The following ADGRV1 variants were observed in gnomAD, a reference collection of about 807,000 sequenced individuals.
The protein encoded by ADGRV1 is adhesion G protein-coupled receptor V1.
A neutral mutation model predicts 596.2 loss-of-function variants in ADGRV1; 359 were observed. That is an observed-to-expected ratio of 0.60 (90% CI 0.55 to 0.66). The LOEUF is 0.66. ADGRV1 is among the 30% of genes least tolerant of loss of function. ADGRV1 has a pLI of 0.00. For missense variants in ADGRV1, 7,274 were observed against 7,575.6 expected, an observed-to-expected ratio of 0.96 and a Z score of 1.48; for synonymous variants, 2,681 against 2,679.2, an observed-to-expected ratio of 1.00 and a Z score of -0.02.
chr5:91,128,361 G>A (rs1278421380), intron 87 of ADGRV1, among the ~76,000 whole-genome samples: 1 of 151,942 alleles, frequency 6.6e-6, no homozygotes. Context: ...CTAAAAATGG[G>A]TTTATTGAGA....
intron 29 of ADGRV1, among the ~76,000 whole-genome samples, chr5:90,687,635 T>C (rs958190386): frequency 2.0e-5 from 3 of 152,174 alleles, no homozygotes; most frequent in African/African-American, 4.8e-5. Flanking sequence ...GACATGATTG[T>C]ATATCTAGAA....
intron 83 of ADGRV1, among the ~76,000 whole-genome samples, chr5:90,955,793 A>T (rs1211214218): frequency 2.6e-5 from 4 of 152,194 alleles, no homozygotes; most frequent in African/African-American, 7.2e-5. Flanking sequence ...ATATACGTGT[A>T]TGTAGCAGGG....
chr5:90,684,798 A>G (rs528720094), intron 28 of ADGRV1, among the ~76,000 whole-genome samples: 1 of 152,300 alleles, frequency 6.6e-6, no homozygotes, highest in African/African-American at 2.4e-5. Context: ...AGGCAGGAGA[A>G]CACAAACCTT....
intron 83 of ADGRV1, among the ~76,000 whole-genome samples, chr5:90,958,284 A>T (rs1455113584): frequency 3.3e-5 from 1 of 30,458 alleles, no homozygotes. Flanking sequence ...ACCTTGTCTC[A>T]AAAAAAAAAA....
intron 84 of ADGRV1, among the ~76,000 whole-genome samples, chr5:90,968,489 A>T (rs1186404380): frequency 1.3e-5 from 2 of 152,200 alleles, no homozygotes; most frequent in Non-Finnish European, 2.9e-5. Flanking sequence ...TAGATTCTGG[A>T]TGGCTAATGG....
chr5:90,778,404 G>A, intron 62 of ADGRV1, 23 bp from the exon 63 acceptor site: 1 of 1,604,494 alleles, frequency 6.2e-7, no homozygotes, highest in Non-Finnish European at 8.5e-7. Context: ...TTCTACTGTT[G>A]ATGACTCTTT....
intron 78 of ADGRV1, among the ~76,000 whole-genome samples, chr5:90,843,438 T>TC (rs1554134092): frequency 1.2e-4 from 1 of 8,096 alleles, no homozygotes. Flanking sequence ...CAAATAGTGT[T>TC]GGATGGCTGA....
intron 14 of ADGRV1, 59 bp from the exon 15 acceptor site, chr5:90,644,647 T>G: frequency 7.6e-7 from 1 of 1,319,006 alleles, no homozygotes; most frequent in Non-Finnish European, 1.1e-6. Context: ...ATTTCTTTAC[T>G]CATCATTTTA....
chr5:90,795,215 C>T (rs1760559673), intron 70 of ADGRV1, among the ~76,000 whole-genome samples: 1 of 151,888 alleles, frequency 6.6e-6, no homozygotes, highest in Non-Finnish European at 1.5e-5. Flanking sequence ...GCAGGTCCCA[C>T]CCCCAAGGAG....
At position 90,805,376 on chromosome 5, in the gene ADGRV1, C is replaced by G. The variant is rs780535961; in HGVS notation, c.14754C>G (p.Leu4918=). The G allele has an allele frequency of 2.5e-6, 4 of 1,611,514 alleles. No homozygotes were observed. Among genetic ancestry groups the G allele is most frequent in the African/African-American group, 1.3e-5 (1 of 74,920 alleles). ...CTAGGAGAGGCACATATGGAGCTCT[C>G]TCGGTTGCCTGGACCACTGGATATG... ...MISRRGTYGA[L]SVAWTTGYAP... Residue 4918 remains leucine, a synonymous_variant, in exon 72 of 90, where the codon CTC becomes CTG. Transcript: ENST00000405460.
rs373822878 is a variant in ADGRV1 at position 90,791,133 on chromosome 5, G to A, written c.14304G>A (p.Ser4768=). Residue 4768 remains serine (S), a synonymous_variant, in exon 70 of 90, where the codon TCG becomes TCA. Transcript: ENST00000405460. ...CACATGGAGTATTTGCCCTGTATTC[G>A]GATCGCCAGTCAATACTTATTGGGC... ...DDPHGVFALY[S]DRQSILIGQN... is the part of the protein sequence containing the mutation. The A allele has an allele frequency of 1.3e-5, 21 of 1,613,730 alleles. No homozygotes were observed. The highest frequency in any genetic ancestry group is 5.0e-5 in the Admixed American group (3 of 59,972).
At chr5:90,780,390 G>T (rs576517027) in intron 64 of ADGRV1, among the ~76,000 whole-genome samples, 2 of 151,598 alleles carry the variant, frequency 1.3e-5, no homozygotes, top group Non-Finnish European at 2.9e-5. Flanking sequence ...TATATAATTC[G>T]CCAACTTTCA....
chr5:91,060,398 A>ATAT (rs796332430), intron 85 of ADGRV1, among the ~76,000 whole-genome samples: 153 of 60,518 alleles, frequency 2.5e-3, no homozygotes, highest in South Asian at 0.012. Context: ...ATATATATAT[A>ATAT]TTTTTTTTTT....
chr5:90,744,551 G>A (rs1235470380), intron 50 of ADGRV1, among the ~76,000 whole-genome samples: 1 of 152,082 alleles, frequency 6.6e-6, no homozygotes, highest in Non-Finnish European at 1.5e-5. Flanking sequence ...TCATAGACTT[G>A]AAAACTGTGT....
At position 90,776,427 on chromosome 5, in the gene ADGRV1, A is replaced by G. The variant is rs184305617; in HGVS notation, c.12404-26A>G. 4.4e-6 allele frequency: 7 copies of G among 1,594,624 alleles called. No individual in the cohort carries two copies. In the Admixed American group the frequency reaches 5.3e-5, roughly 12 times the overall value. ...AAGTGCTTATGTGCACCTGCTACAAAGTGGTCTATATCATCTTGAATTTAG... is the reference window on the plus strand; with the variant it reads ...AAGTGCTTATGTGCACCTGCTACAAGGTGGTCTATATCATCTTGAATTTAG... On this transcript the variant is annotated intron_variant, in intron 60 of 89. Coordinates refer to ENST00000405460, the MANE Select transcript of ADGRV1 (RefSeq NM_032119.4).
chr5:90,645,371 A>G (rs1767599657), intron 15 of ADGRV1, among the ~76,000 whole-genome samples: 1 of 152,194 alleles, frequency 6.6e-6, no homozygotes. Context: ...CTCAAGAGAC[A>G]AAATTCGAAT....
chr5:90,758,239 A>G (rs2082116629), intron 57 of ADGRV1, among the ~76,000 whole-genome samples: 2 of 152,122 alleles, frequency 1.3e-5, no homozygotes, highest in African/African-American at 4.8e-5. Context: ...CGACTGAGGC[A>G]GGAGAATGGC....
intron 89 of ADGRV1, among the ~76,000 whole-genome samples, chr5:91,162,737 G>T (rs1053651325): frequency 2.6e-5 from 4 of 152,182 alleles, no homozygotes; most frequent in African/African-American, 9.7e-5. Context: ...TGGCTAGAAG[G>T]TCACTAGTAG....
rs1218614614 is a variant in ADGRV1, at chr5:90,783,157, T to C, written c.13265T>C (p.Val4422Ala). The C allele has an allele frequency of 6.2e-7, 1 of 1,613,638 alleles. No homozygotes were observed. The highest frequency in any genetic ancestry group is 1.1e-5 in the South Asian group (1 of 91,068). ...EEDVGLIMIP[V>A]VRLHGTYGYV... is the part of the protein sequence containing the mutation. ...GATGTTGGGCTGATCATGATCCCAG[T>C]GGTGAGGCTACATGGAACTTATGGC... The change falls in exon 66 of 90, where the codon GTG (valine) becomes GCG (alanine). Residue 4422 changes from valine (V) to alanine (A), a missense_variant. Coordinates refer to ENST00000405460, the MANE Select transcript of ADGRV1 (RefSeq NM_032119.4).
Sources: allele counts gnomAD v4.1 joint callset (sites outside exome capture counted in the v4.1 genomes callset), GRCh38; gene constraint gnomAD v4.1.1; transcripts MANE v1.5; gene names NCBI Gene and HGNC (gene_info 2026-07-23, HGNC 2026-07-21).